The following CDH1 variants were observed in gnomAD, a reference collection of about 807,000 sequenced individuals.
CDH1 encodes cadherin-1.
Under a neutral mutation model 84.5 loss-of-function variants are expected in CDH1, and 35 were observed. The observed-to-expected ratio is 0.41, with a 90% CI of 0.32 to 0.55. The LOEUF (loss-of-function observed/expected upper bound fraction) is 0.55. Ranked by LOEUF, CDH1 falls within the 20% of genes least tolerant of loss-of-function variation. The probability of loss-of-function intolerance (pLI) is 0.19; values close to 1 mark genes in which losing one functional copy is unlikely to be tolerated. For synonymous variants in CDH1, 417 were observed against 439.0 expected (o/e 0.95, Z 0.63); for missense variants, 994 against 1,126.6 (o/e 0.88, Z 1.68).
In CDH1 at chr16:68,833,648, C is replaced by G; in HGVS notation, c.*149C>G. The G allele has an allele frequency of 3.0e-6, 2 of 677,730 alleles. No homozygotes were observed. Among genetic ancestry groups the G allele is most frequent in the East Asian group, 5.4e-5 (2 of 37,184 alleles). The allele number at this position is 677,730 out of a possible 1,614,324, so 42.0% of individuals were successfully genotyped here. A position where few individuals can be genotyped will look rare whatever the true frequency, so the allele number is the denominator to read the frequency against. ...GATGCAGTTAGTATAGCTTTATACT[C>G]TCTCCACTTTATAGCTCTAATAAGT... is the stretch of plus-strand genomic sequence containing the variant. On this transcript the variant is annotated 3_prime_UTR_variant, in exon 16 of 16. Transcript: ENST00000261769.
intron 2 of CDH1, among the ~76,000 whole-genome samples, chr16:68,783,598 T>A (rs1032061734): frequency 6.6e-6 from 1 of 152,174 alleles, no homozygotes; most frequent in Non-Finnish European, 1.5e-5. Context: ...AGCTGTGTGC[T>A]CTTTAAAGAC....
chr16:68,799,638 A>G (rs1002200505), intron 2 of CDH1, among the ~76,000 whole-genome samples: 1 of 152,124 alleles, frequency 6.6e-6, no homozygotes, highest in African/African-American at 2.4e-5. Flanking sequence ...TCATACTGTC[A>G]CTTCTCAAAG....
In CDH1 at chr16:68,833,672, G is replaced by T; in HGVS notation, c.*173G>T. 1 of 606,626 alleles carries T rather than the reference G, an allele frequency of 1.6e-6. No individual in the cohort carries two copies. The highest frequency in any genetic ancestry group is 2.9e-6 in the Non-Finnish European group (1 of 342,062). The allele number at this position is 606,626 out of a possible 1,614,324, so 37.6% of individuals were successfully genotyped here. On this transcript the variant is annotated 3_prime_UTR_variant, in exon 16 of 16. Transcript: ENST00000261769. ...TCTCTCCACTTTATAGCTCTAATAA[G>T]TTTGTGTTAGAAAAGTTTCGACTTA...
intron 2 of CDH1, among the ~76,000 whole-genome samples, chr16:68,754,063 G>C (rs979815221): frequency 2.7e-5 from 4 of 148,430 alleles, no homozygotes; most frequent in African/African-American, 1.0e-4. Flanking sequence ...AGCTTGCAGT[G>C]AGCCAAGTGA....
At chr16:68,787,811 A>G (rs1039788057) in intron 2 of CDH1, among the ~76,000 whole-genome samples, 1 of 130,266 alleles carries the variant, frequency 7.7e-6, no homozygotes. Context: ...GACACCCACC[A>G]CCACGCCCGG....
At chr16:68,764,220 G>T (rs1959305591) in intron 2 of CDH1, among the ~76,000 whole-genome samples, 2 of 152,218 alleles carry the variant, frequency 1.3e-5, no homozygotes, top group African/African-American at 4.8e-5. Context: ...TCTTTCATCA[G>T]ATTTCTCTGA....
At chr16:68,750,020 G>A (rs1301446902) in intron 2 of CDH1, among the ~76,000 whole-genome samples, 2 of 151,726 alleles carry the variant, frequency 1.3e-5, no homozygotes, top group African/African-American at 2.4e-5. Context: ...CCAGGCTGGA[G>A]TGCAGTGGTT....
chr16:68,792,635 A>G lies in CDH1; in HGVS notation c.164-9035A>G, dbSNP rs796430944. Among the ~76,000 whole-genome samples the G allele has an allele frequency of 5.9e-5, 9 of 152,318 alleles. 1 individual carries two copies. The highest frequency in any genetic ancestry group is 2.2e-4 in the African/African-American group (9 of 41,578). On this transcript the variant is annotated intron_variant, in intron 2 of 15. Coordinates refer to ENST00000261769, the MANE Select transcript of CDH1 (RefSeq NM_004360.5). ...CAGAGAAGGAAACAGCATTTGTCCA[A>G]GCAGAACCATGGTTGGGAAAGCAAA...
intron 13 of CDH1, among the ~76,000 whole-genome samples, chr16:68,826,950 C>T (rs1473006343): frequency 6.6e-6 from 1 of 152,010 alleles, no homozygotes; most frequent in Non-Finnish European, 1.5e-5. Context: ...AAATCTTTTC[C>T]CCAAGTTTAT....
In CDH1 at chr16:68,819,214, AAGCCGTTTTC is replaced by A. The variant is rs1961069439; in HGVS notation, c.1566-62_1566-53del. The A allele has an allele frequency of 3.2e-6, 5 of 1,579,458 alleles. No homozygotes were observed. In the East Asian group the frequency reaches 1.1e-4, roughly 35 times the overall value. Reference sequence around the variant, plus strand: ...TAACCATATAACTGAAGAAGCGCTTAAGCCGTTTTCAGCTACATGTTGTTTGCTGGTCCTA... The same window carrying A: ...TAACCATATAACTGAAGAAGCGCTTAAGCTACATGTTGTTTGCTGGTCCTA... On this transcript the variant is annotated intron_variant, in intron 10 of 15. Coordinates refer to ENST00000261769, the MANE Select transcript of CDH1 (RefSeq NM_004360.5).
Position 68,819,147 on chromosome 16 carries a change from C to T in CDH1, c.1566-133C>T, listed in dbSNP as rs1299726335. Reference sequence around the variant, plus strand: ...TTGGGATTACAGGCATGAGCCACCGCGACCGGCCTATTGTTGGTTTTCAAA... The same window carrying T: ...TTGGGATTACAGGCATGAGCCACCGTGACCGGCCTATTGTTGGTTTTCAAA... On this transcript the variant is annotated intron_variant, in intron 10 of 15. Coordinates refer to ENST00000261769, the MANE Select transcript of CDH1 (RefSeq NM_004360.5). 9 of 994,064 alleles carry T rather than the reference C, an allele frequency of 9.1e-6. No homozygotes were observed. The South Asian group carries it at 9.6e-5, about 11-fold the overall frequency. The allele number at this position is 994,064 out of a possible 1,614,324, so 61.6% of individuals were successfully genotyped here.
intron 13 of CDH1, among the ~76,000 whole-genome samples, chr16:68,826,849 G>T (rs1961334733): frequency 6.6e-6 from 1 of 152,182 alleles, no homozygotes; most frequent in Admixed American, 6.5e-5. Flanking sequence ...TCTTGTTGAT[G>T]AATCATGGAC....
At chr16:68,794,001 G>A (rs1172063685) in intron 2 of CDH1, among the ~76,000 whole-genome samples, 1 of 151,260 alleles carries the variant, frequency 6.6e-6, no homozygotes, top group Non-Finnish European at 1.5e-5. Context: ...TATCTAATAA[G>A]GACATAGACT....
Position 68,791,696 on chromosome 16 carries a change from A to G in CDH1, c.164-9974A>G, listed in dbSNP as rs34359372. Among the ~76,000 whole-genome samples the G allele has an allele frequency of 7.2e-5, 11 of 152,312 alleles. No individual in the cohort carries two copies. In the East Asian group the frequency reaches 2.1e-3, roughly 29 times the overall value. The stretch of plus-strand genomic sequence containing the variant: ...CTCGGCCTCCCAAAGTGCTGGGATT[A>G]CAGGCATGAGCCACCATGATTACTT... On this transcript the variant is annotated intron_variant, in intron 2 of 15. Coordinates refer to ENST00000261769, the MANE Select transcript of CDH1 (RefSeq NM_004360.5).
chr16:68,823,327 C>A, intron 12 of CDH1, 72 bp from the exon 13 acceptor site: 2 of 1,110,290 alleles, frequency 1.8e-6, no homozygotes, highest in South Asian at 1.2e-5. Context: ...AGTTCACTAG[C>A]AATTTTATTC....
At chr16:68,812,088 T>G (rs1435537789) in intron 7 of CDH1, 47 bp from the exon 8 acceptor site, 1 of 1,613,368 alleles carries the variant, frequency 6.2e-7, no homozygotes, top group Non-Finnish European at 8.5e-7. Context: ...AGGCCAAAGG[T>G]GGCTAGTGTT....
rs1597892226 is a variant in CDH1 at position 68,810,144 on chromosome 16, C to G, written c.688-53C>G. ...ACTCTGCTCTGGCTGGGCCCCTTCT[C>G]CCATGTTTTCTTCCTCATCAGAGCT... On this transcript the variant is annotated intron_variant, in intron 5 of 15. Coordinates refer to ENST00000261769, the MANE Select transcript of CDH1 (RefSeq NM_004360.5). 1.2e-6 allele frequency: 2 copies of G among 1,608,606 alleles called. No individual in the cohort carries two copies. The highest frequency in any genetic ancestry group is 1.3e-5 in the African/African-American group (1 of 74,792).
chr16:68,793,410 C>T (rs1960265016), intron 2 of CDH1, among the ~76,000 whole-genome samples: 1 of 152,182 alleles, frequency 6.6e-6, no homozygotes, highest in South Asian at 2.1e-4. Flanking sequence ...TACTCTCCAA[C>T]TGTCCTATTC....
Position 68,801,721 on chromosome 16 carries a change from A to G in CDH1, c.215A>G (p.Asp72Gly), listed in dbSNP as rs2152126684. 2 of 1,614,124 alleles carry G rather than the reference A, an allele frequency of 1.2e-6. No individual in the cohort carries two copies. Among genetic ancestry groups the G allele is most frequent in the Non-Finnish European group, 1.7e-6 (2 of 1,180,018 alleles). Residue 72 changes from aspartate to glycine, a missense_variant, in exon 3 of 16, where the codon GAC becomes GGC. Physicochemically the swap from Asp to Gly is moderately conservative, Grantham distance 94. This residue lies in a region of CDH1 where 203 missense variants were observed against 194.0 expected (regional missense o/e 1.05). Coordinates refer to ENST00000261769, the MANE Select transcript of CDH1 (RefSeq NM_004360.5). ...GRQRTAYFSL[D>G]TRFKVGTDGV... ...CAAAGGACAGCCTATTTTTCCCTCG[A>G]CACCCGATTCAAAGTGGGCACAGAT...
Sources: gnomAD v4.1 joint callset for allele counts (sites outside exome capture counted in the v4.1 genomes callset) on GRCh38, gnomAD v4.1.1 for gene constraint, gnomAD v4.1.1 regional missense constraint, MANE v1.5 for transcripts, NCBI Gene and HGNC (gene_info 2026-07-23, HGNC 2026-07-21) for gene names.